Variants in RALGAPA2 observed in about 807,000 individuals in gnomAD.
RALGAPA2 encodes ral GTPase-activating protein subunit alpha-2.
In RALGAPA2, 139 loss-of-function variants were observed where a neutral mutation model predicts 230.4. That is an observed-to-expected ratio of 0.60 (90% CI 0.53 to 0.69). RALGAPA2 has a LOEUF of 0.69. Among genes scored for constraint, RALGAPA2 ranks in the 30% least tolerant of loss-of-function variants. RALGAPA2 has a pLI of 0.00. For synonymous variants in RALGAPA2, 847 were observed against 837.8 expected (o/e 1.01, Z -0.19); for missense variants, 2,163 against 2,276.0 (o/e 0.95, Z 1.01).
chr20:20,415,571 T>A (rs2060148611), intron 37 of RALGAPA2, among the ~76,000 whole-genome samples: 1 of 152,200 alleles, frequency 6.6e-6, no homozygotes, highest in Non-Finnish European at 1.5e-5. Context: ...AGCCACTCAT[T>A]CTGTTCACAT....
rs1424188780 is a variant in RALGAPA2 at position 20,446,490 on chromosome 20, AAGG to A, written c.5495+26336_5495+26338del. 2.0e-5 allele frequency among the ~76,000 whole-genome samples: 3 copies of A among 152,332 alleles called. No individual in the cohort carries two copies. The East Asian group carries it at 5.8e-4, about 29-fold the overall frequency. ...AATCTAAATAGGTTTTGAAATCAAC[AAGG>A]AGGAGAGGAGAATGATGATTAAGAG... is the stretch of plus-strand genomic sequence containing the variant. On this transcript the variant is annotated intron_variant, in intron 37 of 39. Coordinates refer to ENST00000202677, the MANE Select transcript of RALGAPA2 (RefSeq NM_020343.4).
At chr20:20,648,529 C>A (rs2067291908) in intron 4 of RALGAPA2, among the ~76,000 whole-genome samples, 1 of 151,814 alleles carries the variant, frequency 6.6e-6, no homozygotes, top group Admixed American at 6.6e-5. Context: ...AACCACCCCC[C>A]ATAAATATTT....
chr20:20,547,179 A>G (rs1048512775), intron 23 of RALGAPA2, among the ~76,000 whole-genome samples: 3 of 152,222 alleles, frequency 2.0e-5, no homozygotes, highest in Non-Finnish European at 4.4e-5. Flanking sequence ...ATCTATCACT[A>G]AAACAAATGT....
Position 20,546,937 on chromosome 20 carries a change from G to C in RALGAPA2, c.3157-105C>G, listed in dbSNP as rs1015854667. The C allele has an allele frequency of 6.5e-5, 77 of 1,184,528 alleles. No homozygotes were observed. In the African/African-American group the frequency reaches 1.1e-3, roughly 17 times the overall value. 73.4% of individuals were successfully genotyped at this position (1,184,528 alleles called of 1,614,324 possible). A position where few individuals can be genotyped will look rare whatever the true frequency, so the allele number is the denominator to read the frequency against. On this transcript the variant is annotated intron_variant, in intron 23 of 39. Transcript: ENST00000202677. Reference sequence around the variant, plus strand: ...GACCACTGTATAATAATCCAAGAGAGCACAGATTACAGAAAATTTTCAGTG... The same window carrying C: ...GACCACTGTATAATAATCCAAGAGACCACAGATTACAGAAAATTTTCAGTG...
At chr20:20,563,432 A>G (rs2064315748) in intron 23 of RALGAPA2, among the ~76,000 whole-genome samples, 1 of 152,242 alleles carries the variant, frequency 6.6e-6, no homozygotes, top group African/African-American at 2.4e-5. Context: ...TACAATTTGC[A>G]TACCAACTGC....
At chr20:20,643,392 C>G (rs2067106190) in intron 5 of RALGAPA2, 114 bp downstream of exon 5, 2 of 989,338 alleles carry the variant, frequency 2.0e-6, no homozygotes, top group African/African-American at 3.3e-5. Context: ...AAAATTAAAA[C>G]TAAGTCAAGT....
intron 1 of RALGAPA2, among the ~76,000 whole-genome samples, chr20:20,700,906 C>A (rs1350166162): frequency 6.6e-6 from 1 of 152,144 alleles, no homozygotes; most frequent in Non-Finnish European, 1.5e-5. Context: ...GGCAGGAAGG[C>A]TTTCAGGAAT....
chr20:20,680,908 T>A, intron 1 of RALGAPA2, 107 bp from the exon 2 acceptor site: 1 of 1,465,712 alleles, frequency 6.8e-7, no homozygotes, highest in Non-Finnish European at 9.0e-7. Flanking sequence ...TTCATTCCCT[T>A]ATAAGACAAT....
At chr20:20,394,574 G>T (rs998214319) in intron 39 of RALGAPA2, among the ~76,000 whole-genome samples, 3 of 152,004 alleles carry the variant, frequency 2.0e-5, no homozygotes, top group South Asian at 4.2e-4. Flanking sequence ...GGAGGTCAAG[G>T]CTGCAGTGAT....
chr20:20,521,980 T>C (rs2063057639), intron 30 of RALGAPA2, among the ~76,000 whole-genome samples: 3 of 152,242 alleles, frequency 2.0e-5, no homozygotes, highest in African/African-American at 4.8e-5. Context: ...CTTGACTATG[T>C]CCTCTTCCTA....
chr20:20,481,609 A>G (rs2061777306), intron 36 of RALGAPA2, among the ~76,000 whole-genome samples: 1 of 152,224 alleles, frequency 6.6e-6, no homozygotes, highest in African/African-American at 2.4e-5. Flanking sequence ...AACTTAATAC[A>G]AAGGTCTAGA....
intron 26 of RALGAPA2, among the ~76,000 whole-genome samples, chr20:20,534,868 C>T (rs142152920): frequency 6.6e-6 from 1 of 152,294 alleles, no homozygotes; most frequent in East Asian, 1.9e-4. Context: ...CAAACCAAGT[C>T]TGGTATCACA....
chr20:20,700,660 T>C (rs993647301), intron 1 of RALGAPA2, among the ~76,000 whole-genome samples: 13 of 152,194 alleles, frequency 8.5e-5, no homozygotes, highest in African/African-American at 3.1e-4. Flanking sequence ...ACTGCCCCTC[T>C]TTCCCCCGAA....
intron 1 of RALGAPA2, among the ~76,000 whole-genome samples, chr20:20,707,634 T>C (rs556792680): frequency 6.6e-6 from 1 of 152,248 alleles, no homozygotes; most frequent in East Asian, 1.9e-4. Flanking sequence ...ACGACAATGC[T>C]ATGTTTTGCT....
intron 18 of RALGAPA2, among the ~76,000 whole-genome samples, chr20:20,588,822 T>C (rs180778102): frequency 6.6e-6 from 1 of 152,266 alleles, no homozygotes; most frequent in African/African-American, 2.4e-5. Context: ...TTAATTTTCT[T>C]CTTTATACTT....
At chr20:20,645,617 A>G (rs1408532182) in intron 4 of RALGAPA2, among the ~76,000 whole-genome samples, 1 of 152,184 alleles carries the variant, frequency 6.6e-6, no homozygotes, top group Non-Finnish European at 1.5e-5. Flanking sequence ...ATACATATGT[A>G]TTTGATCTAG....
intron 1 of RALGAPA2, among the ~76,000 whole-genome samples, chr20:20,710,449 T>C (rs1388768598): frequency 1.3e-5 from 2 of 152,214 alleles, no homozygotes; most frequent in Admixed American, 1.3e-4. Context: ...CATTAAATAT[T>C]ATGACTAGAA....
intron 37 of RALGAPA2, among the ~76,000 whole-genome samples, chr20:20,468,963 TTGTGTG>T (rs754994354): frequency 1.0e-4 from 15 of 143,288 alleles, no homozygotes; most frequent in South Asian, 4.5e-4. Flanking sequence ...GTGTGTGTGT[TTGTGTG>T]TGTGTGTGTG....
At position 20,605,374 on chromosome 20, in the gene RALGAPA2, C is replaced by T. The variant is rs372373373; in HGVS notation, c.1839G>A (p.Val613=). The T allele has an allele frequency of 6.8e-6, 11 of 1,613,802 alleles. No individual in the cohort carries two copies. The highest frequency in any genetic ancestry group is 8.5e-6 in the Non-Finnish European group (10 of 1,179,808). Residue 613 remains valine, a synonymous_variant, in exon 15 of 40, where the codon GTG becomes GTA. Transcript: ENST00000202677. ...MVAWIRANLC[V]YISRELWDDF... ...CATCCCAGAGCTCTCGAGAAATGTA[C>T]ACACAGAGGTTTGCTCGGATCCAAG...
Sources: gnomAD v4.1 joint callset for allele counts (sites outside exome capture counted in the v4.1 genomes callset) on GRCh38, gnomAD v4.1.1 for gene constraint, MANE v1.5 for transcripts, NCBI Gene and HGNC (gene_info 2026-07-23, HGNC 2026-07-21) for gene names.